The following WWOX variants were observed in gnomAD, a reference collection of about 807,000 sequenced individuals.
The protein encoded by WWOX is WW domain containing oxidoreductase, also known as WW domain-containing oxidoreductase.
In WWOX, 69 loss-of-function variants were observed where a neutral mutation model predicts 46.2. The ratio of observed to expected loss-of-function variants is 1.49; its 90% CI spans 1.23 to 1.82. The LOEUF (loss-of-function observed/expected upper bound fraction) is 1.82. WWOX is among the 40% of genes most tolerant of loss of function. The probability of loss-of-function intolerance (pLI) is 0.00; values close to 1 mark genes in which losing one functional copy is unlikely to be tolerated. For missense variants in WWOX, 919 were observed against 542.6 expected (o/e 1.69, Z -6.89); for synonymous variants, 359 against 202.6 (o/e 1.77, Z -6.56).
At chr16:78,481,853 A>G (rs541579554) in intron 8 of WWOX, among the ~76,000 whole-genome samples, 2 of 151,014 alleles carry the variant, frequency 1.3e-5, no homozygotes, top group East Asian at 3.9e-4. Context: ...AACCTTTTCT[A>G]TTAATCTTCT....
intron 8 of WWOX, among the ~76,000 whole-genome samples, chr16:78,570,804 G>A (rs1376783397): frequency 1.3e-5 from 2 of 152,138 alleles, no homozygotes; most frequent in Non-Finnish European, 2.9e-5. Flanking sequence ...AAACAAACAT[G>A]GCACTGGGCT....
At chr16:78,738,152 C>G (rs1418042321) in intron 8 of WWOX, among the ~76,000 whole-genome samples, 1 of 152,082 alleles carries the variant, frequency 6.6e-6, no homozygotes, top group Non-Finnish European at 1.5e-5. Context: ...ATTTTTTAAG[C>G]CCTTGTGTGT....
chr16:78,804,121 G>A (rs1323640609), intron 8 of WWOX, among the ~76,000 whole-genome samples: 1 of 152,116 alleles, frequency 6.6e-6, no homozygotes, highest in East Asian at 1.9e-4. Context: ...GTGGCAGATG[G>A]GTCAGATAGC....
chr16:78,405,770 G>T (rs1000720019), intron 6 of WWOX, among the ~76,000 whole-genome samples: 1 of 152,134 alleles, frequency 6.6e-6, no homozygotes, highest in African/African-American at 2.4e-5. Context: ...TCTTGTGGCT[G>T]TCAAACAAGG....
chr16:78,431,195 C>A (rs1413124616), intron 7 of WWOX, among the ~76,000 whole-genome samples: 2 of 152,148 alleles, frequency 1.3e-5, no homozygotes, highest in Non-Finnish European at 2.9e-5. Context: ...TCCGTCAGAC[C>A]CAATTATAAA....
chr16:79,208,874 T>C (rs2051614122), intron 8 of WWOX, among the ~76,000 whole-genome samples: 1 of 152,152 alleles, frequency 6.6e-6, no homozygotes, highest in South Asian at 2.1e-4. Context: ...GTGGTGTGTA[T>C]GGGACCAACA....
chr16:78,192,534 G>A (rs1479202624), intron 5 of WWOX, among the ~76,000 whole-genome samples: 1 of 151,158 alleles, frequency 6.6e-6, no homozygotes, highest in Non-Finnish European at 1.5e-5. Context: ...AAACAAATAG[G>A]ACCCATATCC....
At chr16:78,986,689 T>G (rs769109248) in intron 8 of WWOX, among the ~76,000 whole-genome samples, 22 of 152,226 alleles carry the variant, frequency 1.4e-4, no homozygotes, top group Non-Finnish European at 1.5e-5. Context: ...AATAGAGTGT[T>G]CTGGGAGGCT....
intron 4 of WWOX, chr16:78,145,806 C>G (rs945992383): frequency 6.6e-6 from 1 of 152,158 alleles, no homozygotes; most frequent in Admixed American, 6.5e-5. Flanking sequence ...TAGGGCTCCC[C>G]CATTATGACC....
At chr16:79,156,302 A>T in intron 8 of WWOX, among the ~76,000 whole-genome samples, 1 of 152,146 alleles carries the variant, frequency 6.6e-6, no homozygotes, top group East Asian at 1.9e-4. Context: ...GCTAAGACCC[A>T]GGTGCGCACC....
At chr16:78,754,817 C>T (rs187943879) in intron 8 of WWOX, among the ~76,000 whole-genome samples, 3 of 152,192 alleles carry the variant, frequency 2.0e-5, no homozygotes, top group Admixed American at 6.5e-5. Context: ...TAGATCTGCA[C>T]GGTTGGGCCT....
chr16:78,452,349 C>G (rs1488155665), intron 8 of WWOX, among the ~76,000 whole-genome samples: 2 of 152,072 alleles, frequency 1.3e-5, no homozygotes, highest in Non-Finnish European at 2.9e-5. Context: ...TGATTGCTAT[C>G]ATGCAGTCTG....
At chr16:78,359,842 G>C (rs2081372096) in intron 5 of WWOX, among the ~76,000 whole-genome samples, 1 of 152,168 alleles carries the variant, frequency 6.6e-6, no homozygotes, top group Non-Finnish European at 1.5e-5. Flanking sequence ...TGGGAGAGGT[G>C]ACTATGGACT....
chr16:78,617,180 G>A lies in WWOX; in HGVS notation c.1056+184428G>A, dbSNP rs530024128. Reference sequence around the variant, plus strand: ...TAATCCCAGCACTTTGGGAGGCTGAGGCAGGTGGATCACTTGAGCCCCGGA... The same window carrying A: ...TAATCCCAGCACTTTGGGAGGCTGAAGCAGGTGGATCACTTGAGCCCCGGA... On this transcript the variant is annotated intron_variant, in intron 8 of 8. Coordinates refer to ENST00000566780, the MANE Select transcript of WWOX (RefSeq NM_016373.4). 2.6e-5 allele frequency among the ~76,000 whole-genome samples: 4 copies of A among 152,276 alleles called. No homozygotes were observed. The East Asian group carries it at 7.8e-4, about 30-fold the overall frequency.
chr16:78,808,472 C>T (rs985633059), intron 8 of WWOX, among the ~76,000 whole-genome samples: 1 of 152,134 alleles, frequency 6.6e-6, no homozygotes, highest in Non-Finnish European at 1.5e-5. Context: ...CCATACTAAC[C>T]TGATCATTAC....
intron 5 of WWOX, among the ~76,000 whole-genome samples, chr16:78,284,039 A>T (rs952603243): frequency 6.6e-6 from 1 of 152,220 alleles, no homozygotes; most frequent in East Asian, 1.9e-4. Flanking sequence ...TGAGATTTGT[A>T]TCTCGTTAAA....
intron 8 of WWOX, among the ~76,000 whole-genome samples, chr16:78,840,332 T>C (rs896144908): frequency 6.6e-6 from 1 of 152,152 alleles, no homozygotes; most frequent in Non-Finnish European, 1.5e-5. Flanking sequence ...GATTCTTGTG[T>C]GAATTCAGGG....
At chr16:78,172,474 T>G (rs1395273431) in intron 5 of WWOX, among the ~76,000 whole-genome samples, 2 of 152,188 alleles carry the variant, frequency 1.3e-5, no homozygotes, top group African/African-American at 2.4e-5. Flanking sequence ...TACCTAAAAC[T>G]TGTGCTTGGT....
chr16:78,460,246 GC>G, intron 8 of WWOX, among the ~76,000 whole-genome samples: 1 of 152,094 alleles, frequency 6.6e-6, no homozygotes, highest in South Asian at 2.1e-4. Flanking sequence ...TTGTGCCTCA[GC>G]CTTCCAAGTA....
Sources: gnomAD v4.1 joint callset for allele counts (sites outside exome capture counted in the v4.1 genomes callset) on GRCh38, gnomAD v4.1.1 for gene constraint, MANE v1.5 for transcripts, NCBI Gene and HGNC (gene_info 2026-07-23, HGNC 2026-07-21) for gene names.